Variants in NKAIN3 observed in about 807,000 individuals in gnomAD.
NKAIN3 encodes the protein sodium/potassium transporting ATPase interacting 3.
Under a neutral mutation model 30.2 loss-of-function variants are expected in NKAIN3, and 25 were observed. The observed-to-expected ratio is 0.83, with a 90% confidence interval of 0.60 to 1.16. The LOEUF (loss-of-function observed/expected upper bound fraction) is 1.16, where lower values mean the gene tolerates loss of function less well. Among genes scored for constraint, NKAIN3 ranks in the 50% most tolerant of loss-of-function variants. The pLI is 0.00. For missense variants in NKAIN3, 225 were observed against 254.1 expected, an observed-to-expected ratio of 0.89 and a Z score of 0.78; for synonymous variants, 91 against 89.6, an observed-to-expected ratio of 1.02 and a Z score of -0.09.
chr8:62,695,023 C>T (rs1026856822), intron 3 of NKAIN3, among the ~76,000 whole-genome samples: 1 of 152,110 alleles, frequency 6.6e-6, no homozygotes, highest in Non-Finnish European at 1.5e-5. Flanking sequence ...CTAGTGTCTA[C>T]CTAGTGCAAG....
intron 1 of NKAIN3, among the ~76,000 whole-genome samples, chr8:62,259,371 AC>A (rs2129389005): frequency 6.6e-6 from 1 of 152,278 alleles, no homozygotes; most frequent in East Asian, 1.9e-4. Context: ...TTTGGCAAAT[AC>A]TTGATAAGGT....
At chr8:62,561,659 G>A (rs1046497044) in intron 1 of NKAIN3, among the ~76,000 whole-genome samples, 1 of 151,954 alleles carries the variant, frequency 6.6e-6, no homozygotes, top group Admixed American at 6.6e-5. Context: ...TGTAAAATTA[G>A]GGCAAAAATA....
intron 5 of NKAIN3, among the ~76,000 whole-genome samples, chr8:62,941,653 A>T (rs1822956115): frequency 6.6e-6 from 1 of 152,132 alleles, no homozygotes; most frequent in South Asian, 2.1e-4. Context: ...GTTAATTAAA[A>T]ACACAAATCA....
At chr8:62,789,254 T>C (rs1301680939) in intron 4 of NKAIN3, among the ~76,000 whole-genome samples, 1 of 152,130 alleles carries the variant, frequency 6.6e-6, no homozygotes, top group African/African-American at 2.4e-5. Flanking sequence ...TTCACATCCC[T>C]TGTAAGTTGG....
intron 4 of NKAIN3, among the ~76,000 whole-genome samples, chr8:62,758,507 A>ATTTT (rs1301567772): frequency 2.0e-5 from 3 of 152,202 alleles, no homozygotes; most frequent in Non-Finnish European, 2.9e-5. Flanking sequence ...CTTTAAAAAT[A>ATTTT]TTTTTATAAT....
chr8:62,753,208 G>GCACACACA (rs10636968), intron 4 of NKAIN3, among the ~76,000 whole-genome samples: 63 of 147,048 alleles, frequency 4.3e-4, no homozygotes, highest in Non-Finnish European at 5.9e-4. Flanking sequence ...TAAAGAGGAT[G>GCACACACA]CACACACACA....
chr8:62,573,545 CCTT>C (rs1810012919), intron 1 of NKAIN3, among the ~76,000 whole-genome samples: 1 of 151,894 alleles, frequency 6.6e-6, no homozygotes, highest in Non-Finnish European at 1.5e-5. Flanking sequence ...TTCTTTTCTT[CCTT>C]TTTATTAAGA....
At chr8:62,937,985 C>T (rs2130879341) in intron 5 of NKAIN3, among the ~76,000 whole-genome samples, 1 of 152,168 alleles carries the variant, frequency 6.6e-6, no homozygotes, top group South Asian at 2.1e-4. Context: ...CATAATTCCC[C>T]TGGGAACATA....
At chr8:62,300,044 A>G (rs187514764) in intron 1 of NKAIN3, among the ~76,000 whole-genome samples, 3 of 152,218 alleles carry the variant, frequency 2.0e-5, no homozygotes, top group Admixed American at 2.0e-4. Context: ...TAAAACTTGA[A>G]TGGCTAAAGG....
At chr8:62,701,264 G>A (rs762965749) in intron 3 of NKAIN3, among the ~76,000 whole-genome samples, 14 of 152,166 alleles carry the variant, frequency 9.2e-5, no homozygotes, top group Non-Finnish European at 1.6e-4. Context: ...TGGAGTCTCA[G>A]TTTGGTGTTG....
intron 1 of NKAIN3, among the ~76,000 whole-genome samples, chr8:62,390,792 T>C (rs2129594543): frequency 6.6e-6 from 1 of 152,318 alleles, no homozygotes; most frequent in Non-Finnish European, 1.5e-5. Flanking sequence ...TAATGATCAG[T>C]GATGTTGAGC....
intron 1 of NKAIN3, among the ~76,000 whole-genome samples, chr8:62,488,382 C>T (rs1563421641): frequency 6.6e-6 from 1 of 152,182 alleles, no homozygotes; most frequent in Non-Finnish European, 1.5e-5. Context: ...TTCTTAGCAC[C>T]ACTGTGCCTC....
At chr8:62,940,603 A>G (rs7820160) in intron 5 of NKAIN3, among the ~76,000 whole-genome samples, 77,053 of 151,912 alleles carry the variant, frequency 0.51, 20,152 homozygotes, top group African/African-American at 0.63. Context: ...CTGGATATCA[A>G]TTGCAAAAGG....
intron 4 of NKAIN3, among the ~76,000 whole-genome samples, chr8:62,904,617 C>A (rs1821722550): frequency 6.6e-6 from 1 of 152,220 alleles, no homozygotes; most frequent in Non-Finnish European, 1.5e-5. Flanking sequence ...CACAAGGGAA[C>A]TTCAGAATTG....
rs75805264 is a variant in NKAIN3 at position 62,676,029 on chromosome 8, T to A, written c.274-70903T>A. On this transcript the variant is annotated intron_variant, in intron 3 of 6. Transcript: ENST00000623646. Reference sequence around the variant, plus strand: ...GCAAAAGAGCAGCTTTTCCATAACATTCAAAAATTGCCTCTTACATGATAG... The same window carrying A: ...GCAAAAGAGCAGCTTTTCCATAACAATCAAAAATTGCCTCTTACATGATAG... 3.2e-4 allele frequency among the ~76,000 whole-genome samples: 48 copies of A among 152,346 alleles called. 1 individual carries two copies. In the East Asian group the frequency reaches 8.9e-3, roughly 28 times the overall value.
At chr8:62,848,776 C>A (rs1431516514) in intron 4 of NKAIN3, among the ~76,000 whole-genome samples, 1 of 152,024 alleles carries the variant, frequency 6.6e-6, no homozygotes, top group Non-Finnish European at 1.5e-5. Flanking sequence ...CCAGGTTTTG[C>A]CCATTCACTA....
intron 4 of NKAIN3, among the ~76,000 whole-genome samples, chr8:62,882,000 T>C (rs1265003908): frequency 1.3e-5 from 2 of 152,230 alleles, no homozygotes; most frequent in African/African-American, 4.8e-5. Flanking sequence ...CTTAGTGACA[T>C]ATGATGTTGA....
chr8:62,744,170 T>A (rs1428588668), intron 3 of NKAIN3, among the ~76,000 whole-genome samples: 1 of 152,194 alleles, frequency 6.6e-6, no homozygotes, highest in Non-Finnish European at 1.5e-5. Context: ...TCTTCCAGTG[T>A]CCTTCATGTT....
At chr8:62,689,714 C>T (rs1379508914) in intron 3 of NKAIN3, among the ~76,000 whole-genome samples, 1 of 152,060 alleles carries the variant, frequency 6.6e-6, no homozygotes, top group Non-Finnish European at 1.5e-5. Flanking sequence ...CCCAGAATTC[C>T]TATCCCCTTA....
Sources: allele counts gnomAD v4.1 joint callset (sites outside exome capture counted in the v4.1 genomes callset), GRCh38; gene constraint gnomAD v4.1.1; transcripts MANE v1.5; gene names NCBI Gene and HGNC (gene_info 2026-07-23, HGNC 2026-07-21).